KIAA0753: variants seen among roughly 807,000 people sequenced by gnomAD.
KIAA0753 encodes protein moonraker.
KIAA0753 carries 114 observed loss-of-function variants against 116.9 expected under a neutral mutation model. The observed-to-expected ratio is 0.98, with a 90% CI of 0.84 to 1.14. KIAA0753 has a LOEUF of 1.14. KIAA0753 is among the 50% of genes most tolerant of loss of function. The pLI, the probability that KIAA0753 is intolerant of heterozygous loss-of-function variation, is 0.00. For missense variants in KIAA0753, 1,156 were observed against 1,172.4 expected (o/e 0.99, Z 0.20); for synonymous variants, 405 against 413.1 (o/e 0.98, Z 0.24).
At chr17:6,588,218 A>C (rs1968725912) in intron 18 of KIAA0753, among the ~76,000 whole-genome samples, 1 of 152,232 alleles carries the variant, frequency 6.6e-6, no homozygotes, top group African/African-American at 2.4e-5. Flanking sequence ...GTAATTTTAA[A>C]TTCAGCCAAG....
intron 6 of KIAA0753, among the ~76,000 whole-genome samples, chr17:6,622,365 G>A (rs1016265867): frequency 6.6e-6 from 1 of 152,172 alleles, no homozygotes; most frequent in Non-Finnish European, 1.5e-5. Context: ...AAATTAATGT[G>A]TCTTTGTCAC....
intron 2 of KIAA0753, among the ~76,000 whole-genome samples, chr17:6,631,414 A>C (rs1039966432): frequency 1.3e-5 from 2 of 152,228 alleles, no homozygotes; most frequent in Non-Finnish European, 2.9e-5. Context: ...CTGAGCAAAA[A>C]AGTAAATATA....
intron 14 of KIAA0753, among the ~76,000 whole-genome samples, chr17:6,597,669 A>G (rs1384026426): frequency 1.3e-5 from 2 of 152,264 alleles, no homozygotes; most frequent in Non-Finnish European, 2.9e-5. Context: ...TGACAACAGT[A>G]GCAGCAATAG....
intron 15 of KIAA0753, 51 bp from the exon 16 acceptor site, chr17:6,595,104 T>C (rs952279357): frequency 7.7e-7 from 1 of 1,301,824 alleles, no homozygotes; most frequent in Non-Finnish European, 1.1e-6. Context: ...TGAGTTTAAT[T>C]ACAAACCAGA....
intron 6 of KIAA0753, among the ~76,000 whole-genome samples, chr17:6,621,815 A>AG (rs145963873): frequency 0.012 from 1,849 of 152,254 alleles, 30 homozygotes; most frequent in African/African-American, 0.042. Flanking sequence ...TTGGCCAATA[A>AG]ATGTTTCTTA....
intron 18 of KIAA0753, among the ~76,000 whole-genome samples, chr17:6,580,930 A>C (rs116787923): frequency 1.5e-4 from 22 of 144,022 alleles, no homozygotes; most frequent in Middle Eastern, 3.5e-3. Context: ...ACACACACAC[A>C]CCTTCATTTT....
rs779438987 is a variant in KIAA0753, at chr17:6,622,890, G to C, written c.1096C>G (p.Gln366Glu). 1.2e-5 allele frequency: 20 copies of C among 1,611,380 alleles called. No individual in the cohort carries two copies. Among genetic ancestry groups the C allele is most frequent in the Non-Finnish European group, 1.6e-5 (19 of 1,177,588 alleles). The change falls in exon 6 of 19, where the codon CAA becomes GAA. Residue 366 changes from glutamine (Q) to glutamate (E), a missense_variant. Physicochemically the swap from Gln to Glu is conservative, Grantham distance 29 (BLOSUM62 2). Transcript: ENST00000361413. ...VPDVVIDILQQIEALESLLEK... is the reference protein window; with the variant it reads ...VPDVVIDILQEIEALESLLEK... The stretch of plus-strand genomic sequence containing the variant: ...TGGAATTAATTCCATACCTCAATTT[G>C]TTGCAGAATATCTATAACCACATCA...
At chr17:6,607,789 A>G (rs1288685712) in intron 10 of KIAA0753, among the ~76,000 whole-genome samples, 3 of 152,234 alleles carry the variant, frequency 2.0e-5, no homozygotes, top group Non-Finnish European at 4.4e-5. Context: ...ATGAATACAG[A>G]GAAACCTGTT....
intron 1 of KIAA0753, chr17:6,638,438 C>G (rs4796531): frequency 2.0e-5 from 3 of 152,942 alleles, no homozygotes; most frequent in Non-Finnish European, 2.9e-5. Flanking sequence ...ACCCCTGCTG[C>G]GGCACACCCC....
Position 6,596,140 on chromosome 17 carries a change from C to T in KIAA0753, c.2358+18G>A, listed in dbSNP as rs1481394153. The T allele has an allele frequency of 8.1e-6, 13 of 1,608,142 alleles. No homozygotes were observed. Among genetic ancestry groups the T allele is most frequent in the Non-Finnish European group, 1.1e-5 (13 of 1,175,674 alleles). ...CCAGCCCCTAGCAGCGAACCAGACC[C>T]GGAGCCCCAGACCTTACTTCCATCT... is the stretch of plus-strand genomic sequence containing the variant. On this transcript the variant is annotated intron_variant, in intron 15 of 18. Coordinates refer to ENST00000361413, the MANE Select transcript of KIAA0753 (RefSeq NM_014804.3).
At chr17:6,593,804 G>T (rs934808561) in intron 16 of KIAA0753, among the ~76,000 whole-genome samples, 5 of 152,228 alleles carry the variant, frequency 3.3e-5, no homozygotes, top group Admixed American at 2.0e-4. Context: ...AGAATCGCTT[G>T]AACTCGGGAG....
chr17:6,603,412 A>G (rs575222566), intron 12 of KIAA0753, among the ~76,000 whole-genome samples: 3 of 152,370 alleles, frequency 2.0e-5, no homozygotes, highest in African/African-American at 7.2e-5. Context: ...CTGGGGAGAA[A>G]GCAGAGTCTG....
intron 3 of KIAA0753, among the ~76,000 whole-genome samples, chr17:6,626,568 T>C (rs1334209448): frequency 7.7e-4 from 117 of 151,794 alleles, no homozygotes; most frequent in Non-Finnish European, 1.2e-4. Flanking sequence ...ATGATTCCCA[T>C]GCAGCGCCTG....
In KIAA0753 at chr17:6,608,405, T is replaced by C; in HGVS notation, c.1772A>G (p.Gln591Arg). 1 of 1,566,700 alleles carries C rather than the reference T, an allele frequency of 6.4e-7. No homozygotes were observed. Reference protein sequence around the residue: ...PRDATKEPLQQEDPQEESHLT... With the variant: ...PRDATKEPLQREDPQEESHLT... The stretch of plus-strand genomic sequence containing the variant: ...GTGACTTTCCTCTTGAGGATCTTCT[T>C]GCTGGAGAGGCTCTTTTGTGGCATC... The change falls in exon 10 of 19, where the codon CAA becomes CGA. Residue 591 changes from glutamine to arginine, a missense_variant. Gln to Arg is a conservative substitution (Grantham distance 43). Transcript: ENST00000361413.
In KIAA0753 at chr17:6,620,766, A is replaced by G. The variant is rs746912570; in HGVS notation, c.1315+22T>C. On this transcript the variant is annotated intron_variant, in intron 7 of 18. Transcript: ENST00000361413. ...ATTGTAATGAATAAAATGTCTTACA[A>G]TAAACACTTTAAGACACATACCGGC... 18 of 1,605,770 alleles carry G rather than the reference A, an allele frequency of 1.1e-5. 1 individual carries two copies. Among genetic ancestry groups the G allele is most frequent in the Middle Eastern group, 3.3e-4 (2 of 6,002 alleles).
intron 16 of KIAA0753, among the ~76,000 whole-genome samples, chr17:6,593,177 C>T (rs923350230): frequency 1.3e-5 from 2 of 151,976 alleles, no homozygotes; most frequent in South Asian, 4.2e-4. Context: ...ACAAGCAACC[C>T]CAAAAAAAAA....
In KIAA0753 at chr17:6,579,564, C is replaced by A. The variant is rs547654210; in HGVS notation, c.*183G>T. 16 of 607,688 alleles carry A rather than the reference C, an allele frequency of 2.6e-5. No individual in the cohort carries two copies. The South Asian group carries it at 3.0e-4, about 11-fold the overall frequency. 37.6% of individuals were successfully genotyped at this position (607,688 alleles called of 1,614,324 possible). On this transcript the variant is annotated 3_prime_UTR_variant, in exon 19 of 19. Coordinates refer to ENST00000361413, the MANE Select transcript of KIAA0753 (RefSeq NM_014804.3). Reference sequence around the variant, plus strand: ...ACATTGCATCATACATTTCCAGAACCATTGCCATGACAAAAGAAAATGCAA... The same window carrying A: ...ACATTGCATCATACATTTCCAGAACAATTGCCATGACAAAAGAAAATGCAA...
chr17:6,635,161 T>C lies in KIAA0753; in HGVS notation c.-58A>G, dbSNP rs1972240078. 5 of 1,288,610 alleles carry C rather than the reference T, an allele frequency of 3.9e-6. No individual in the cohort carries two copies. Among genetic ancestry groups the C allele is most frequent in the Admixed American group, 1.7e-5 (1 of 58,634 alleles). 79.8% of individuals were successfully genotyped at this position (1,288,610 alleles called of 1,614,324 possible). A position where few individuals can be genotyped will look rare whatever the true frequency, so the allele number is the denominator to read the frequency against. The stretch of plus-strand genomic sequence containing the variant: ...CTTGTCATCCGGCAACAGTCTTCCC[T>C]AAAACCATTCCTAAAACGAAACAAA... On this transcript the variant is annotated 5_prime_UTR_variant, in exon 2 of 19. Transcript: ENST00000361413.
At chr17:6,594,898 A>G in intron 16 of KIAA0753, 74 bp downstream of exon 16, 1 of 1,156,796 alleles carries the variant, frequency 8.6e-7, no homozygotes, top group Non-Finnish European at 1.3e-6. Context: ...TTACTATACA[A>G]TTTTTTCAAT....
Sources: gnomAD v4.1 joint callset for allele counts (sites outside exome capture counted in the v4.1 genomes callset) on GRCh38, gnomAD v4.1.1 for gene constraint, MANE v1.5 for transcripts, NCBI Gene and HGNC (gene_info 2026-07-23, HGNC 2026-07-21) for gene names.